The following GNA12 variants were observed in gnomAD, a reference collection of about 807,000 sequenced individuals.
The protein encoded by GNA12 is guanine nucleotide-binding protein subunit alpha-12.
GNA12 carries 9 observed loss-of-function variants against 26.0 expected under a neutral mutation model. The ratio of observed to expected loss-of-function variants is 0.35; its 90% CI spans 0.21 to 0.60. The LOEUF (loss-of-function observed/expected upper bound fraction) is 0.60, where lower values mean the gene tolerates loss of function less well. Ranked by LOEUF, GNA12 falls within the 20% of genes least tolerant of loss-of-function variation. The probability of loss-of-function intolerance (pLI) is 0.78; values close to 1 mark genes in which losing one functional copy is unlikely to be tolerated. For synonymous variants in GNA12, 264 were observed against 219.6 expected (o/e 1.20, Z -1.79); for missense variants, 405 against 525.8 (o/e 0.77, Z 2.25).
At chr7:2,802,101 TTAAAA>T (rs774135869) in intron 1 of GNA12, among the ~76,000 whole-genome samples, 2 of 151,960 alleles carry the variant, frequency 1.3e-5, no homozygotes, top group East Asian at 1.9e-4. Context: ...TCACATACAC[TTAAAA>T]TAAATAAGAA....
intron 1 of GNA12, among the ~76,000 whole-genome samples, chr7:2,838,678 C>G (rs970380712): frequency 1.5e-4 from 23 of 152,134 alleles, no homozygotes; most frequent in African/African-American, 5.5e-4. Context: ...ATGAAACTCA[C>G]TTCAAAACAA....
chr7:2,786,668 G>A (rs1252395160), intron 2 of GNA12, among the ~76,000 whole-genome samples: 1 of 152,218 alleles, frequency 6.6e-6, no homozygotes, highest in Non-Finnish European at 1.5e-5. Flanking sequence ...GCGATTTGCT[G>A]ACTTTAGTTT....
At chr7:2,803,760 T>G (rs1172085457) in intron 1 of GNA12, among the ~76,000 whole-genome samples, 3 of 151,996 alleles carry the variant, frequency 2.0e-5, no homozygotes, top group African/African-American at 7.2e-5. Flanking sequence ...ATTAGCTTTT[T>G]TCAGCTGCCT....
At chr7:2,816,139 A>C (rs982600595) in intron 1 of GNA12, among the ~76,000 whole-genome samples, 3 of 152,254 alleles carry the variant, frequency 2.0e-5, no homozygotes, top group African/African-American at 7.2e-5. Context: ...TTCACAGGGA[A>C]CGGATCAGCA....
chr7:2,810,789 G>A (rs919881744), intron 1 of GNA12, among the ~76,000 whole-genome samples: 4 of 152,240 alleles, frequency 2.6e-5, no homozygotes, highest in East Asian at 3.9e-4. Flanking sequence ...TCCCAGCTAC[G>A]TGGGAGGTTG....
intron 1 of GNA12, among the ~76,000 whole-genome samples, chr7:2,825,894 A>G (rs551706547): frequency 6.6e-6 from 1 of 152,178 alleles, no homozygotes; most frequent in Non-Finnish European, 1.5e-5. Context: ...ACATAGAAAG[A>G]CGCTCCACAC....
At chr7:2,804,059 A>T (rs879935759) in intron 1 of GNA12, among the ~76,000 whole-genome samples, 6 of 152,204 alleles carry the variant, frequency 3.9e-5, no homozygotes, top group Non-Finnish European at 8.8e-5. Flanking sequence ...TACATGACAA[A>T]CACTAGTACA....
intron 1 of GNA12, among the ~76,000 whole-genome samples, chr7:2,831,323 C>A (rs1793601173): frequency 1.3e-5 from 2 of 152,024 alleles, no homozygotes; most frequent in Non-Finnish European, 2.9e-5. Flanking sequence ...CGATCCATAT[C>A]TATCTAATCA....
At chr7:2,782,551 AC>A (rs1792256075) in intron 2 of GNA12, among the ~76,000 whole-genome samples, 1 of 152,036 alleles carries the variant, frequency 6.6e-6, no homozygotes, top group Admixed American at 6.6e-5. Flanking sequence ...AAGCTGTCAA[AC>A]TGTCACTCCT....
intron 2 of GNA12, among the ~76,000 whole-genome samples, chr7:2,784,461 G>A (rs777138201): frequency 3.3e-5 from 5 of 152,172 alleles, no homozygotes; most frequent in Non-Finnish European, 7.4e-5. Context: ...AAATTCCTGG[G>A]ACGATGAATT....
intron 1 of GNA12, among the ~76,000 whole-genome samples, chr7:2,799,168 C>T (rs888013193): frequency 1.1e-3 from 172 of 152,186 alleles, no homozygotes; most frequent in East Asian, 9.6e-4. Flanking sequence ...TATTTTGCTC[C>T]GCCAAAGACC....
chr7:2,808,013 C>G (rs755386816), intron 1 of GNA12, among the ~76,000 whole-genome samples: 6 of 152,252 alleles, frequency 3.9e-5, no homozygotes, highest in Non-Finnish European at 7.3e-5. Context: ...GCTTCCTCCA[C>G]TTAGGACTCA....
intron 2 of GNA12, among the ~76,000 whole-genome samples, chr7:2,740,499 T>G (rs527992398): frequency 3.9e-5 from 6 of 152,156 alleles, no homozygotes; most frequent in Non-Finnish European, 7.4e-5. Flanking sequence ...GATCCTCAAT[T>G]TCCAATCTCC....
At chr7:2,837,283 C>A (rs942207525) in intron 1 of GNA12, among the ~76,000 whole-genome samples, 2 of 152,262 alleles carry the variant, frequency 1.3e-5, no homozygotes, top group Admixed American at 6.5e-5. Context: ...GAATCAGCAA[C>A]GCCCAGAGGG....
At chr7:2,803,500 C>A (rs1792867717) in intron 1 of GNA12, among the ~76,000 whole-genome samples, 1 of 152,176 alleles carries the variant, frequency 6.6e-6, no homozygotes, top group Admixed American at 6.5e-5. Context: ...AGATCCAAAA[C>A]CAGGAATTCA....
chr7:2,757,061 C>T (rs1330202697), intron 2 of GNA12, among the ~76,000 whole-genome samples: 9 of 149,958 alleles, frequency 6.0e-5, no homozygotes, highest in East Asian at 3.9e-4. Context: ...GGCAACAGAG[C>T]GATACTCTGT....
intron 2 of GNA12, among the ~76,000 whole-genome samples, chr7:2,793,614 G>A (rs115414958): frequency 0.019 from 2,951 of 152,208 alleles, 53 homozygotes; most frequent in Middle Eastern, 0.075. Flanking sequence ...GGGGCATGGT[G>A]GCTCACACCT....
chr7:2,762,517 A>G, intron 2 of GNA12: 1 of 1,046,170 alleles, frequency 9.6e-7, no homozygotes, highest in African/African-American at 1.6e-5. Flanking sequence ...ACTGTGGACT[A>G]CAAAAGCAGT....
chr7:2,825,671 A>G (rs1213068843), intron 1 of GNA12, among the ~76,000 whole-genome samples: 1 of 152,150 alleles, frequency 6.6e-6, no homozygotes, highest in Non-Finnish European at 1.5e-5. Flanking sequence ...GTAAACAGGA[A>G]AGCAGCCTTA....
Sources: allele counts gnomAD v4.1 joint callset (sites outside exome capture counted in the v4.1 genomes callset), GRCh38; gene constraint gnomAD v4.1.1; transcripts MANE v1.5; gene names NCBI Gene and HGNC (gene_info 2026-07-23, HGNC 2026-07-21).